The following SAP18 variants were observed in gnomAD, a reference collection of about 807,000 sequenced individuals.
SAP18 encodes the protein histone deacetylase complex subunit SAP18.
SAP18 carries 4 observed loss-of-function variants against 18.6 expected under a neutral mutation model. That is an observed-to-expected ratio of 0.21 (90% CI 0.11 to 0.49). The LOEUF (loss-of-function observed/expected upper bound fraction) is 0.49. Ranked by LOEUF, SAP18 falls within the 20% of genes least tolerant of loss-of-function variation. The probability of loss-of-function intolerance (pLI) is 0.98; values close to 1 mark genes in which losing one functional copy is unlikely to be tolerated. For synonymous variants in SAP18, 112 were observed against 82.8 expected (o/e 1.35, Z -1.92); for missense variants, 170 against 226.4 (o/e 0.75, Z 1.60).
At chr13:21,140,812 C>T in intron 1 of SAP18, 74 bp from the exon 2 acceptor site, 2 of 1,572,996 alleles carry the variant, frequency 1.3e-6, no homozygotes, top group South Asian at 2.2e-5. Context: ...CGCAACGCCT[C>T]GGGAAGAGAG....
At chr13:21,147,550 G>A (rs1869692023) in exon 4 of SAP18, 2 of 550,678 alleles carry the variant, frequency 3.6e-6, no homozygotes, top group Admixed American at 6.9e-5. Flanking sequence ...ATGAAGAAAA[G>A]TGCTCTTAGC....
intron 2 of SAP18, among the ~76,000 whole-genome samples, chr13:21,142,534 C>T (rs1193630120): frequency 6.6e-6 from 1 of 151,464 alleles, no homozygotes; most frequent in East Asian, 2.0e-4. Flanking sequence ...ACCATGTTGG[C>T]CAGGCTGGTC....
intron 3 of SAP18, 51 bp downstream of exon 3, chr13:21,146,978 T>A: frequency 1.3e-6 from 2 of 1,555,958 alleles, no homozygotes; most frequent in Non-Finnish European, 1.7e-6. Flanking sequence ...TTTTAGTATG[T>A]TTTAACTGAT....
chr13:21,141,056 C>T, intron 2 of SAP18, 61 bp downstream of exon 2: 1 of 1,047,664 alleles, frequency 9.5e-7, no homozygotes, highest in Non-Finnish European at 1.5e-6. Context: ...CAGTTAATTG[C>T]CTTTGCCAGT....
At chr13:21,144,718 C>T (rs1869586984) in intron 2 of SAP18, among the ~76,000 whole-genome samples, 1 of 152,164 alleles carries the variant, frequency 6.6e-6, no homozygotes, top group Admixed American at 6.5e-5. Flanking sequence ...CTGAACCCCA[C>T]CCTGTCCTCA....
At chr13:21,143,109 A>G (rs1869528650) in intron 2 of SAP18, among the ~76,000 whole-genome samples, 1 of 152,210 alleles carries the variant, frequency 6.6e-6, no homozygotes, top group Non-Finnish European at 1.5e-5. Flanking sequence ...TCACATATGT[A>G]CTCATCTATT....
rs565694424 is a variant in SAP18 at position 21,145,615 on chromosome 13, C to T, written c.240-1190C>T. Among the ~76,000 whole-genome samples, 5 of 152,314 alleles carry T rather than the reference C, an allele frequency of 3.3e-5. No individual in the cohort carries two copies. The East Asian group carries it at 9.6e-4, about 29-fold the overall frequency. On this transcript the variant is annotated intron_variant, in intron 2 of 3. Coordinates refer to ENST00000621421, the Ensembl canonical transcript of SAP18. ...TCCGCCTCCCAGGTCAAGCGATTCTCTTGTCTCAGCCTCTCGAGTAGCTGG... is the reference window on the plus strand; with the variant it reads ...TCCGCCTCCCAGGTCAAGCGATTCTTTTGTCTCAGCCTCTCGAGTAGCTGG...
chr13:21,140,521 T>C (rs1191161131), exon 1 of SAP18: 6 of 1,555,898 alleles, frequency 3.9e-6, no homozygotes, highest in Non-Finnish European at 5.2e-6. Context: ...CTATAAAGTG[T>C]CGAGCTTCTC....
chr13:21,141,020 G>A (rs1336636914), intron 2 of SAP18, 25 bp downstream of exon 2: 3 of 1,487,494 alleles, frequency 2.0e-6, no homozygotes, highest in African/African-American at 2.8e-5. Flanking sequence ...GTGGCCTCAG[G>A]GACCCGGGCC....
chr13:21,141,585 C>G (rs1869464649), intron 2 of SAP18: 1 of 156,314 alleles, frequency 6.4e-6, no homozygotes, highest in Non-Finnish European at 1.4e-5. Flanking sequence ...GTCTTTAGCG[C>G]TGCACATAAC....
rs760246435 is a variant in SAP18 at position 21,140,538 on chromosome 13, A to G, written c.-15A>G. The G allele has an allele frequency of 3.8e-6, 6 of 1,573,104 alleles. No homozygotes were observed. In the South Asian group the frequency reaches 5.8e-5, roughly 15 times the overall value. ...ATAAAGTGTCGAGCTTCTCCTCGCG[A>G]GAGACTTAGTGCTCATGCTCGCTGC... On this transcript the variant is annotated 5_prime_UTR_variant, in exon 1 of 4. Transcript: ENST00000621421.
chr13:21,146,895 C>T, exon 3 of SAP18: 2 of 1,612,746 alleles, frequency 1.2e-6, no homozygotes, highest in Non-Finnish European at 1.7e-6. Context: ...ATTTTGCAAT[C>T]GTTTTTACAG....
chr13:21,148,522 A>G (rs551072055), exon 4 of SAP18: 9 of 152,210 alleles, frequency 5.9e-5, no homozygotes, highest in Non-Finnish European at 8.8e-5. Flanking sequence ...ATAAAATTGC[A>G]CTAGTTTTAT....
At chr13:21,142,624 G>A (rs189373509) in intron 2 of SAP18, among the ~76,000 whole-genome samples, 1 of 152,260 alleles carries the variant, frequency 6.6e-6, no homozygotes, top group East Asian at 1.9e-4. Context: ...ACCGCACCTG[G>A]TCATTAACCA....
intron 2 of SAP18, among the ~76,000 whole-genome samples, chr13:21,143,520 C>T (rs1350184947): frequency 6.6e-6 from 1 of 152,158 alleles, no homozygotes; most frequent in Non-Finnish European, 1.5e-5. Flanking sequence ...TGAATAATGG[C>T]TTGATGAAAA....
intron 3 of SAP18, 62 bp downstream of exon 3, chr13:21,146,989 A>G: frequency 1.3e-6 from 2 of 1,524,604 alleles, no homozygotes; most frequent in Non-Finnish European, 8.9e-7. Context: ...TTTAACTGAT[A>G]CAGATAACTC....
At chr13:21,141,234 C>G (rs905595269) in intron 2 of SAP18, 3 of 554,370 alleles carry the variant, frequency 5.4e-6, no homozygotes, top group Admixed American at 6.2e-5. Flanking sequence ...TGGACAGACC[C>G]AAGATTGCTG....
chr13:21,140,444 T>G (rs563914498), upstream of SAP18: 312 of 1,301,980 alleles, frequency 2.4e-4, no homozygotes, highest in Non-Finnish European at 3.0e-4. Context: ...GCAGGCGCGC[T>G]CCGGCTCGCT....
exon 4 of SAP18, chr13:21,147,317 C>T: frequency 3.7e-6 from 6 of 1,613,526 alleles, no homozygotes; most frequent in Non-Finnish European, 5.1e-6. Context: ...GCACCACCTC[C>T]TTCAGGGCGC....
Sources: gnomAD v4.1 joint callset for allele counts (sites outside exome capture counted in the v4.1 genomes callset) on GRCh38, gnomAD v4.1.1 for gene constraint, MANE v1.5 for transcripts, NCBI Gene and HGNC (gene_info 2026-07-23, HGNC 2026-07-21) for gene names.